NR2F1-AS1: variants seen among roughly 807,000 people sequenced by gnomAD.
The protein encoded by NR2F1-AS1 is NR2F1 antisense RNA 1.
rs905073912 is a variant in NR2F1-AS1 at position 93,442,196 on chromosome 5, G to A, written n.639-46654C>T. The stretch of plus-strand genomic sequence containing the variant: ...CAGGTTCATCTCACTGGGGCTTGTC[G>A]GACAGTGGGTGCAGCCCACAGAGTG... On this transcript the variant is annotated intron_variant and non_coding_transcript_variant, in intron 4 of 5. Transcript: ENST00000660523. 5.3e-5 allele frequency among the ~76,000 whole-genome samples: 8 copies of A among 152,146 alleles called. No homozygotes were observed. The East Asian group carries it at 7.7e-4, about 15-fold the overall frequency.
chr5:93,459,432 A>C (rs866148204), intron 4 of NR2F1-AS1, among the ~76,000 whole-genome samples: 1 of 152,200 alleles, frequency 6.6e-6, no homozygotes, highest in African/African-American at 2.4e-5. Context: ...TTAATACCAA[A>C]TGATAAGACT....
intron 4 of NR2F1-AS1, among the ~76,000 whole-genome samples, chr5:93,529,321 C>G (rs1751686112): frequency 6.6e-6 from 1 of 152,118 alleles, no homozygotes; most frequent in Non-Finnish European, 1.5e-5. Flanking sequence ...AATGTCAACT[C>G]ATATATGCCA....
At chr5:93,459,337 T>C (rs1750039212) in intron 4 of NR2F1-AS1, among the ~76,000 whole-genome samples, 1 of 152,138 alleles carries the variant, frequency 6.6e-6, no homozygotes. Flanking sequence ...CTCAATATCA[T>C]TATTCATTAG....
intron 4 of NR2F1-AS1, among the ~76,000 whole-genome samples, chr5:93,413,452 G>C (rs376599923): frequency 6.6e-6 from 1 of 151,976 alleles, no homozygotes; most frequent in Non-Finnish European, 1.5e-5. Flanking sequence ...CATCTCTTCA[G>C]GGTTCATCTC....
chr5:93,554,112 G>A (rs749329340), intron 3 of NR2F1-AS1, among the ~76,000 whole-genome samples: 27 of 152,214 alleles, frequency 1.8e-4, no homozygotes, highest in South Asian at 1.7e-3. Context: ...CCCTGCCTCA[G>A]AATGTTCTCA....
chr5:93,470,961 T>C (rs747970024), intron 4 of NR2F1-AS1, among the ~76,000 whole-genome samples: 6 of 151,786 alleles, frequency 4.0e-5, no homozygotes, highest in Non-Finnish European at 7.4e-5. Flanking sequence ...CATACAAAAA[T>C]CAAGATATGA....
At chr5:93,533,328 C>G (rs968252821) in intron 4 of NR2F1-AS1, among the ~76,000 whole-genome samples, 2 of 151,864 alleles carry the variant, frequency 1.3e-5, no homozygotes, top group African/African-American at 4.8e-5. Context: ...TTTATTTTCA[C>G]GAGTTATTTT....
chr5:93,517,870 G>A (rs1751428787), intron 4 of NR2F1-AS1, among the ~76,000 whole-genome samples: 1 of 151,880 alleles, frequency 6.6e-6, no homozygotes, highest in Non-Finnish European at 1.5e-5. Flanking sequence ...AGACTATGTG[G>A]GTGACCTATT....
intron 4 of NR2F1-AS1, among the ~76,000 whole-genome samples, chr5:93,536,815 C>T (rs1751849654): frequency 6.6e-6 from 1 of 152,168 alleles, no homozygotes; most frequent in African/African-American, 2.4e-5. Context: ...TCTTGTAGCT[C>T]CCATAATTCC....
intron 4 of NR2F1-AS1, among the ~76,000 whole-genome samples, chr5:93,440,398 C>T (rs150258335): frequency 3.9e-5 from 6 of 152,182 alleles, no homozygotes; most frequent in Non-Finnish European, 5.9e-5. Context: ...TGTGGATGGG[C>T]GTTGAGCAAC....
chr5:93,510,923 G>A (rs1751282003), intron 4 of NR2F1-AS1, among the ~76,000 whole-genome samples: 1 of 152,096 alleles, frequency 6.6e-6, no homozygotes, highest in Non-Finnish European at 1.5e-5. Context: ...AAGGCTTTGG[G>A]TTAAATTATT....
intron 4 of NR2F1-AS1, among the ~76,000 whole-genome samples, chr5:93,507,229 A>G (rs1751203385): frequency 6.6e-6 from 1 of 152,242 alleles, no homozygotes; most frequent in African/African-American, 2.4e-5. Context: ...ATTTTAAAGC[A>G]TTCTCTTTAA....
chr5:93,493,483 A>G (rs1267640030), intron 4 of NR2F1-AS1, among the ~76,000 whole-genome samples: 1 of 152,060 alleles, frequency 6.6e-6, no homozygotes, highest in Non-Finnish European at 1.5e-5. Flanking sequence ...ATATTACCCA[A>G]ATCAATCTAC....
chr5:93,547,679 A>T (rs1176948928), intron 4 of NR2F1-AS1, among the ~76,000 whole-genome samples: 1 of 152,206 alleles, frequency 6.6e-6, no homozygotes, highest in East Asian at 1.9e-4. Context: ...AAGAGAAATA[A>T]AGAACTAACC....
chr5:93,444,015 C>A (rs933983637), intron 4 of NR2F1-AS1, among the ~76,000 whole-genome samples: 1 of 152,140 alleles, frequency 6.6e-6, no homozygotes, highest in African/African-American at 2.4e-5. Flanking sequence ...GATTTTGTCA[C>A]CACCAGGCCT....
intron 4 of NR2F1-AS1, among the ~76,000 whole-genome samples, chr5:93,540,124 A>G (rs1751919125): frequency 6.6e-6 from 1 of 152,232 alleles, no homozygotes; most frequent in Non-Finnish European, 1.5e-5. Context: ...ATGTTTTAAA[A>G]TCATCACCAG....
intron 4 of NR2F1-AS1, among the ~76,000 whole-genome samples, chr5:93,495,857 G>A (rs760767726): frequency 6.6e-6 from 1 of 151,846 alleles, no homozygotes; most frequent in African/African-American, 2.4e-5. Flanking sequence ...AAATGCTCTC[G>A]TCAAATTTTC....
At chr5:93,425,956 G>A (rs1185408172) in intron 4 of NR2F1-AS1, among the ~76,000 whole-genome samples, 1 of 151,670 alleles carries the variant, frequency 6.6e-6, no homozygotes, top group Non-Finnish European at 1.5e-5. Context: ...AGTCTCCCTG[G>A]GATATGCCTA....
At chr5:93,445,266 G>T (rs3966420) in intron 4 of NR2F1-AS1, among the ~76,000 whole-genome samples, 1 of 152,124 alleles carries the variant, frequency 6.6e-6, no homozygotes, top group East Asian at 1.9e-4. Context: ...CCAGGAGTTG[G>T]TTTTTTGAAA....
Sources: allele counts gnomAD v4.1 joint callset (sites outside exome capture counted in the v4.1 genomes callset), GRCh38; gene constraint gnomAD v4.1.1; transcripts MANE v1.5; gene names NCBI Gene and HGNC (gene_info 2026-07-23, HGNC 2026-07-21).